The following UNC5C variants were observed in gnomAD, a reference collection of about 807,000 sequenced individuals.
UNC5C encodes netrin receptor UNC5C.
UNC5C carries 47 observed loss-of-function variants against 99.8 expected under a neutral mutation model. The ratio of observed to expected loss-of-function variants is 0.47; its 90% CI spans 0.37 to 0.60. The LOEUF (loss-of-function observed/expected upper bound fraction) is 0.60, where lower values mean the gene tolerates loss of function less well. Among genes scored for constraint, UNC5C ranks in the 20% least tolerant of loss-of-function variants. The pLI, the probability that UNC5C is intolerant of heterozygous loss-of-function variation, is 0.00. For missense variants in UNC5C, 1,062 were observed against 1,165.9 expected, an observed-to-expected ratio of 0.91 and a Z score of 1.30; for synonymous variants, 487 against 452.2, an observed-to-expected ratio of 1.08 and a Z score of -0.98.
chr4:95,521,838 T>A (rs10016515), intron 1 of UNC5C, among the ~76,000 whole-genome samples: 63,408 of 152,090 alleles, frequency 0.42, 14,826 homozygotes, highest in East Asian at 0.53. Flanking sequence ...GGGATAACAC[T>A]AAATGGTGCA....
intron 1 of UNC5C, among the ~76,000 whole-genome samples, chr4:95,341,488 GA>G (rs1313557421): frequency 8.0e-6 from 1 of 125,692 alleles, no homozygotes; most frequent in Non-Finnish European, 1.7e-5. Flanking sequence ...GAGAGAGAAA[GA>G]AAGAAAGAAG....
intron 1 of UNC5C, among the ~76,000 whole-genome samples, chr4:95,336,386 C>T (rs1367414596): frequency 3.3e-5 from 5 of 151,782 alleles, no homozygotes; most frequent in African/African-American, 1.2e-4. Flanking sequence ...CAGAGGAGAA[C>T]AGAGCTATTA....
rs996124470 is a variant in UNC5C, at chr4:95,190,261, G to T, written c.2137-5065C>A. On this transcript the variant is annotated intron_variant, in intron 12 of 15. Coordinates refer to ENST00000453304, the MANE Select transcript of UNC5C (RefSeq NM_003728.4). ...AAGAACAAAAAACCAAACACCACAT[G>T]TTCTCACTCATAGGTGGGAATTGAA... Among the ~76,000 whole-genome samples the T allele has an allele frequency of 4.1e-5, 6 of 145,334 alleles. 1 individual carries two copies. In the South Asian group the frequency reaches 1.3e-3, roughly 32 times the overall value.
chr4:95,191,493 G>C (rs1737090767), intron 12 of UNC5C, among the ~76,000 whole-genome samples: 1 of 151,936 alleles, frequency 6.6e-6, no homozygotes, highest in Admixed American at 6.6e-5. Flanking sequence ...GATCTGGTGG[G>C]CTAGTGCTCC....
intron 1 of UNC5C, among the ~76,000 whole-genome samples, chr4:95,478,316 G>C (rs1721018716): frequency 6.6e-6 from 1 of 151,908 alleles, no homozygotes; most frequent in South Asian, 2.1e-4. Context: ...ACAAGAATAA[G>C]GACAAGGATT....
chr4:95,466,256 T>C (rs1208635709), intron 1 of UNC5C, among the ~76,000 whole-genome samples: 2 of 152,128 alleles, frequency 1.3e-5, no homozygotes, highest in Non-Finnish European at 2.9e-5. Flanking sequence ...CACAATGTCA[T>C]AGTTTGGGGA....
chr4:95,269,380 G>A (rs897471790), intron 4 of UNC5C, among the ~76,000 whole-genome samples: 6 of 152,116 alleles, frequency 3.9e-5, no homozygotes, highest in East Asian at 3.9e-4. Flanking sequence ...CTGTGGCTTC[G>A]ACCTCCCAGG....
At chr4:95,244,870 C>T (rs576360194) in intron 6 of UNC5C, 107 bp downstream of exon 6, 231 of 1,412,234 alleles carry the variant, frequency 1.6e-4, no homozygotes, top group African/African-American at 4.5e-4. Flanking sequence ...ATTTAAATAA[C>T]GTTCATCACA....
chr4:95,322,667 G>A (rs371096083), intron 2 of UNC5C, among the ~76,000 whole-genome samples: 2 of 151,902 alleles, frequency 1.3e-5, no homozygotes, highest in Admixed American at 6.6e-5. Flanking sequence ...GGCCAGGCAC[G>A]GTGGCTCACA....
At chr4:95,174,407 G>T (rs1195260760) in intron 14 of UNC5C, among the ~76,000 whole-genome samples, 1 of 152,112 alleles carries the variant, frequency 6.6e-6, no homozygotes, top group African/African-American at 2.4e-5. Context: ...TCTACACACT[G>T]CTTTGAATGG....
At chr4:95,506,908 TGTAA>T (rs142362974) in intron 1 of UNC5C, among the ~76,000 whole-genome samples, 9,716 of 151,878 alleles carry the variant, frequency 0.064, 723 homozygotes, top group African/African-American at 0.18. Flanking sequence ...TATTAATAAA[TGTAA>T]GTAAGATATT....
At chr4:95,394,665 G>T (rs1438761336) in intron 1 of UNC5C, among the ~76,000 whole-genome samples, 2 of 151,938 alleles carry the variant, frequency 1.3e-5, no homozygotes, top group Non-Finnish European at 2.9e-5. Flanking sequence ...GTGTGTGTGT[G>T]TGTGTGTGTG....
At chr4:95,494,006 C>A (rs377512638) in intron 1 of UNC5C, among the ~76,000 whole-genome samples, 4 of 151,520 alleles carry the variant, frequency 2.6e-5, no homozygotes, top group African/African-American at 9.7e-5. Context: ...TAAATTTAAA[C>A]TATGATATCA....
At position 95,323,422 on chromosome 4, in the gene UNC5C, T is replaced by A. The variant is rs1742771712; in HGVS notation, c.346+11988A>T. Among the ~76,000 whole-genome samples the A allele has an allele frequency of 1.3e-5, 2 of 152,164 alleles. 1 individual carries two copies. Among genetic ancestry groups the A allele is most frequent in the South Asian group, 4.1e-4 (2 of 4,828 alleles). On this transcript the variant is annotated intron_variant, in intron 2 of 15. Coordinates refer to ENST00000453304, the MANE Select transcript of UNC5C (RefSeq NM_003728.4). ...TGTGAACAAACTTATTTTCTGAAGTTCCATCTGACGTAAGTAGGTCCACAA... is the reference window on the plus strand; with the variant it reads ...TGTGAACAAACTTATTTTCTGAAGTACCATCTGACGTAAGTAGGTCCACAA...
At chr4:95,179,871 G>GCTAC (rs200130514) in intron 14 of UNC5C, among the ~76,000 whole-genome samples, 2,956 of 151,388 alleles carry the variant, frequency 0.02, 99 homozygotes, top group African/African-American at 0.069. Flanking sequence ...GGGGATACAT[G>GCTAC]CTACCTTCTT....
At position 95,182,955 on chromosome 4, in the gene UNC5C, CAG is replaced by C; in HGVS notation, c.2391_2392del (p.Val799AlafsTer55). The C allele has an allele frequency of 1.2e-6, 2 of 1,614,010 alleles. No individual in the cohort carries two copies. The highest frequency in any genetic ancestry group is 1.7e-6 in the Non-Finnish European group (2 of 1,179,936). On this transcript the variant is annotated frameshift_variant, in exon 14 of 16. Coordinates refer to ENST00000453304, the MANE Select transcript of UNC5C (RefSeq NM_003728.4). LOFTEE classifies it high-confidence loss of function. The stretch of plus-strand genomic sequence containing the variant: ...CCCTTCTCCTTCCACCTGCCGCACA[CAG>C]AGTTTGCAAACCAGCTCCACTGTGT...
At chr4:95,256,336 A>C (rs1051471158) in intron 4 of UNC5C, among the ~76,000 whole-genome samples, 3 of 152,062 alleles carry the variant, frequency 2.0e-5, no homozygotes, top group Non-Finnish European at 1.5e-5. Flanking sequence ...CCGCCTTTCC[A>C]AACCTGCTCC....
intron 1 of UNC5C, among the ~76,000 whole-genome samples, chr4:95,379,138 C>T (rs1744987843): frequency 6.6e-6 from 1 of 152,076 alleles, no homozygotes; most frequent in African/African-American, 2.4e-5. Flanking sequence ...AAGAAATAGT[C>T]TGATCAATAA....
rs772953418 is a variant in UNC5C, at chr4:95,219,336, T to C, written c.1301-23A>G. The C allele has an allele frequency of 3.7e-6, 6 of 1,600,114 alleles. No individual in the cohort carries two copies. The Admixed American group carries it at 1.0e-4, about 27-fold the overall frequency. On this transcript the variant is annotated intron_variant, in intron 8 of 15. Transcript: ENST00000453304. Reference sequence around the variant, plus strand: ...GATCTGAGTCAGAAAGAGAAAATAATCCCATTGGCATTCTCCATTCAGGCC... The same window carrying C: ...GATCTGAGTCAGAAAGAGAAAATAACCCCATTGGCATTCTCCATTCAGGCC...
Sources: gnomAD v4.1 joint callset for allele counts (sites outside exome capture counted in the v4.1 genomes callset) on GRCh38, gnomAD v4.1.1 for gene constraint, MANE v1.5 for transcripts, NCBI Gene and HGNC (gene_info 2026-07-23, HGNC 2026-07-21) for gene names.